ADAMTS17: variants seen among roughly 807,000 people sequenced by gnomAD.
The protein encoded by ADAMTS17 is A disintegrin and metalloproteinase with thrombospondin motifs 17.
In ADAMTS17, 113 loss-of-function variants were observed where a neutral mutation model predicts 141.5. The observed-to-expected ratio is 0.80, with a 90% CI of 0.69 to 0.93. The LOEUF is 0.93. Among genes scored for constraint, ADAMTS17 ranks in the 40% least tolerant of loss-of-function variants. The pLI is 0.00. For missense variants in ADAMTS17, 1,659 were observed against 1,517.9 expected, an observed-to-expected ratio of 1.09 and a Z score of -1.54; for synonymous variants, 768 against 630.6, an observed-to-expected ratio of 1.22 and a Z score of -3.27.
chr15:100,058,320 TCTAACACC>T (rs1309022963), intron 15 of ADAMTS17, among the ~76,000 whole-genome samples: 3 of 150,238 alleles, frequency 2.0e-5, no homozygotes, highest in Non-Finnish European at 4.4e-5. Context: ...CTATCCCGGC[TCTAACACC>T]CCTATCCCGG....
intron 20 of ADAMTS17, among the ~76,000 whole-genome samples, chr15:99,982,556 T>C (rs777961872): frequency 5.3e-5 from 8 of 152,212 alleles, no homozygotes; most frequent in Non-Finnish European, 1.2e-4. Flanking sequence ...TCAACGTTAA[T>C]TGAACAGTGA....
chr15:100,151,833 T>C (rs1426189648), intron 10 of ADAMTS17, among the ~76,000 whole-genome samples: 3 of 152,206 alleles, frequency 2.0e-5, no homozygotes, highest in African/African-American at 7.2e-5. Flanking sequence ...CACATGCCCC[T>C]CTTGGCACCC....
chr15:100,186,085 G>A (rs529230170), intron 8 of ADAMTS17, among the ~76,000 whole-genome samples: 8 of 152,266 alleles, frequency 5.3e-5, no homozygotes, highest in African/African-American at 7.2e-5. Flanking sequence ...TGTGAGTTGC[G>A]ATTCAGTGGA....
At chr15:100,076,087 G>C (rs10468189) in intron 15 of ADAMTS17, among the ~76,000 whole-genome samples, 1 of 151,626 alleles carries the variant, frequency 6.6e-6, no homozygotes, top group Admixed American at 6.6e-5. Flanking sequence ...CTGTTGCCTA[G>C]GCTGGAGCAC....
rs2060235929 is a variant in ADAMTS17, at chr15:99,972,670, C to T, written c.*1732G>A. ...AGGGTGGGCCGCTCCATCCTGACAC[C>T]CTCGGTTCTTTCCACAGAGCACCCA... On this transcript the variant is annotated 3_prime_UTR_variant, in exon 22 of 22. Coordinates refer to ENST00000268070, the MANE Select transcript of ADAMTS17 (RefSeq NM_139057.4). 1 of 152,178 alleles carries T rather than the reference C, an allele frequency of 6.6e-6. No homozygotes were observed. Among genetic ancestry groups the T allele is most frequent in the Non-Finnish European group, 1.5e-5 (1 of 68,050 alleles). 9.4% of individuals were successfully genotyped at this position (152,178 alleles called of 1,614,324 possible).
chr15:99,992,911 G>T, intron 20 of ADAMTS17, 137 bp downstream of exon 20: 2 of 1,096,950 alleles, frequency 1.8e-6, no homozygotes, highest in Non-Finnish European at 1.3e-6. Context: ...TAGTTGCAGC[G>T]GGTGGAAGGA....
rs552209726 is a variant in ADAMTS17, at chr15:100,311,919, G to A, written c.616+18970C>T. 8.5e-5 allele frequency among the ~76,000 whole-genome samples: 13 copies of A among 152,290 alleles called. No homozygotes were observed. In the South Asian group the frequency reaches 2.1e-3, roughly 24 times the overall value. On this transcript the variant is annotated intron_variant, in intron 3 of 21. Transcript: ENST00000268070. ...AACTTCTTTATGTGTTGCAGTAGACGGATCAAGAATGCATGGTTTATTATT... is the reference window on the plus strand; with the variant it reads ...AACTTCTTTATGTGTTGCAGTAGACAGATCAAGAATGCATGGTTTATTATT...
chr15:100,002,029 T>A (rs1366046179), intron 18 of ADAMTS17, among the ~76,000 whole-genome samples: 9 of 141,288 alleles, frequency 6.4e-5, no homozygotes, highest in African/African-American at 2.4e-4. Context: ...AAAAGAAATT[T>A]GAATGTGATG....
At chr15:100,189,543 G>A (rs547334789) in intron 8 of ADAMTS17, among the ~76,000 whole-genome samples, 14 of 152,324 alleles carry the variant, frequency 9.2e-5, no homozygotes, top group African/African-American at 3.4e-4. Flanking sequence ...CTCACTAGGT[G>A]TCATTTACCA....
rs536518394 is a variant in ADAMTS17 at position 100,328,190 on chromosome 15, T to G, written c.616+2699A>C. Among the ~76,000 whole-genome samples, 3 of 152,294 alleles carry G rather than the reference T, an allele frequency of 2.0e-5. No homozygotes were observed. In the South Asian group the frequency reaches 6.2e-4, roughly 32 times the overall value. On this transcript the variant is annotated intron_variant, in intron 3 of 21. Transcript: ENST00000268070. Reference sequence around the variant, plus strand: ...TCTGATTAATCTTTCTAGGAAAGATTAGGAAACTTCTAGGAAACTTAAAGA... The same window carrying G: ...TCTGATTAATCTTTCTAGGAAAGATGAGGAAACTTCTAGGAAACTTAAAGA...
Position 100,182,687 on chromosome 15 carries a change from G to A in ADAMTS17, c.1181+16631C>T, listed in dbSNP as rs114975816. ...GAAGGCACTTTTGGTGTAGATAGCT[G>A]TTAAATTTGGTGTTACTGTGGGGTG... is the stretch of plus-strand genomic sequence containing the variant. On this transcript the variant is annotated intron_variant, in intron 8 of 21. Coordinates refer to ENST00000268070, the MANE Select transcript of ADAMTS17 (RefSeq NM_139057.4). 2.2e-3 allele frequency among the ~76,000 whole-genome samples: 334 copies of A among 152,280 alleles called. 3 individuals carry two copies. Among genetic ancestry groups the A allele is most frequent in the African/African-American group, 7.1e-3 (294 of 41,566 alleles).
intron 7 of ADAMTS17, 23 bp from the exon 8 acceptor site, chr15:100,199,446 A>C: frequency 1.9e-6 from 3 of 1,599,262 alleles, no homozygotes; most frequent in Non-Finnish European, 2.6e-6. Flanking sequence ...CACAAAACAC[A>C]TCCTCTTCAG....
rs534119279 is a variant in ADAMTS17, at chr15:100,341,968, G to A, written c.-69C>T. 2.6e-4 allele frequency: 395 copies of A among 1,529,972 alleles called. 1 individual carries two copies. The East Asian group carries it at 7.2e-3, about 28-fold the overall frequency. 94.8% of individuals were successfully genotyped at this position (1,529,972 alleles called of 1,614,324 possible). Reference sequence around the variant, plus strand: ...AGGAGCGCGCTAGGCGGCGGCGCCAGCCGGAGTGAAGCCCTCCAGCCTTTG... The same window carrying A: ...AGGAGCGCGCTAGGCGGCGGCGCCAACCGGAGTGAAGCCCTCCAGCCTTTG... On this transcript the variant is annotated 5_prime_UTR_variant, in exon 1 of 22. Transcript: ENST00000268070.
rs191251355 is a variant in ADAMTS17 at position 100,082,191 on chromosome 15, G to A, written c.2137+14165C>T. On this transcript the variant is annotated intron_variant, in intron 15 of 21. Coordinates refer to ENST00000268070, the MANE Select transcript of ADAMTS17 (RefSeq NM_139057.4). ...AGCGATTCTCCTGCCTCGGCCTCCC[G>A]AGTAGCTGGGACTACAGGCACGTGC... 7.8e-3 allele frequency among the ~76,000 whole-genome samples: 1,193 copies of A among 152,014 alleles called. 6 individuals are homozygous for A. The highest frequency in any genetic ancestry group is 0.011 in the Non-Finnish European group (726 of 67,996).
At position 100,341,405 on chromosome 15, in the gene ADAMTS17, G is replaced by T; in HGVS notation, c.84C>A (p.Val28=). 7 of 1,016,036 alleles carry T rather than the reference G, an allele frequency of 6.9e-6. No homozygotes were observed. Among genetic ancestry groups the T allele is most frequent in the Middle Eastern group, 4.8e-4 (1 of 2,062 alleles). The allele number at this position is 1,016,036 out of a possible 1,614,324, so 62.9% of individuals were successfully genotyped here. The change falls in exon 2 of 22, where the codon GTC becomes GTA. Residue 28 remains valine, a synonymous_variant. Transcript: ENST00000268070. The stretch of plus-strand genomic sequence containing the variant: ...CCTCCACGTCGGCCGCCGCGTCGCC[G>T]ACAGCTGCGGGGAGAGAGGAGACGC... The part of the protein sequence containing the change: ...LVWGLDPGTA[V]GDAAADVEVV...
At chr15:100,265,222 T>A (rs2043668201) in intron 4 of ADAMTS17, among the ~76,000 whole-genome samples, 1 of 152,160 alleles carries the variant, frequency 6.6e-6, no homozygotes, top group African/African-American at 2.4e-5. Flanking sequence ...TGAGGTCCCG[T>A]GCCAAGCCAG....
At chr15:100,246,755 A>C (rs2042998633) in intron 7 of ADAMTS17, among the ~76,000 whole-genome samples, 1 of 152,134 alleles carries the variant, frequency 6.6e-6, no homozygotes, top group African/African-American at 2.4e-5. Context: ...GCCATATTTC[A>C]TCATAGCTTT....
chr15:100,157,213 G>C (rs1167162735), intron 8 of ADAMTS17, among the ~76,000 whole-genome samples: 3 of 152,084 alleles, frequency 2.0e-5, no homozygotes, highest in African/African-American at 4.8e-5. Flanking sequence ...CGACACATTG[G>C]ATTACAATTC....
intron 7 of ADAMTS17, among the ~76,000 whole-genome samples, chr15:100,209,407 C>T (rs1055720493): frequency 1.3e-5 from 2 of 152,118 alleles, no homozygotes; most frequent in African/African-American, 4.8e-5. Context: ...CACTCCCTGG[C>T]AGGGCATCAC....
Sources: allele counts gnomAD v4.1 joint callset (sites outside exome capture counted in the v4.1 genomes callset), GRCh38; gene constraint gnomAD v4.1.1; transcripts MANE v1.5; gene names NCBI Gene and HGNC (gene_info 2026-07-23, HGNC 2026-07-21).